The following SCARA5 variants were observed in gnomAD, a reference collection of about 807,000 sequenced individuals.
The protein encoded by SCARA5 is scavenger receptor class A member 5, also known as scavenger receptor class A, member 5 (putative).
Under a neutral mutation model 46.3 loss-of-function variants are expected in SCARA5, and 45 were observed. The observed-to-expected ratio is 0.97, with a 90% CI of 0.76 to 1.24. The LOEUF (loss-of-function observed/expected upper bound fraction) is 1.24, where lower values mean the gene tolerates loss of function less well. SCARA5 is among the 50% of genes most tolerant of loss of function. The pLI is 0.00. For missense variants in SCARA5, 680 were observed against 689.0 expected, an observed-to-expected ratio of 0.99 and a Z score of 0.15; for synonymous variants, 333 against 306.5, an observed-to-expected ratio of 1.09 and a Z score of -0.90.
chr8:27,900,055 T>C (rs982575834), intron 7 of SCARA5, among the ~76,000 whole-genome samples: 2 of 151,980 alleles, frequency 1.3e-5, no homozygotes, highest in Non-Finnish European at 2.9e-5. Context: ...GGAGAGTCAC[T>C]TGAACCCAGG....
At chr8:27,926,451 G>A (rs1399424612) in intron 3 of SCARA5, among the ~76,000 whole-genome samples, 1 of 152,008 alleles carries the variant, frequency 6.6e-6, no homozygotes, top group Non-Finnish European at 1.5e-5. Flanking sequence ...CTGTCAGGGG[G>A]TGGGGGACTG....
Position 27,921,624 on chromosome 8 carries a change from C to G in SCARA5, c.863G>C (p.Arg288Pro). 6.3e-7 allele frequency: 1 copy of G among 1,597,284 alleles called. No homozygotes were observed. Among genetic ancestry groups the G allele is most frequent in the Admixed American group, 1.7e-5 (1 of 58,988 alleles). The change falls in exon 4 of 9, where the codon CGC (arginine) becomes CCC (proline). Residue 288 changes from arginine to proline, a missense_variant. By Grantham distance (103) the Arg-to-Pro change is moderately radical. Transcript: ENST00000354914. The stretch of plus-strand genomic sequence containing the variant: ...GATGGAGTGCTCCCAGTCCTTGAGG[C>G]GCAGGTCCTCGGTGACCGCGTTGAG... ...AMLNAVTEDL[R>P]LKDWEHSIAL... is the part of the protein sequence containing the mutation.
intron 7 of SCARA5, among the ~76,000 whole-genome samples, chr8:27,886,754 T>C (rs1485777569): frequency 1.3e-5 from 2 of 152,194 alleles, no homozygotes; most frequent in Non-Finnish European, 2.9e-5. Context: ...TTCCCGGCAG[T>C]TTCTGCCCCA....
In SCARA5 at chr8:27,948,825, T is replaced by C. The variant is rs954155140; in HGVS notation, c.241+17589A>G. On this transcript the variant is annotated intron_variant, in intron 3 of 8. Coordinates refer to ENST00000354914, the MANE Select transcript of SCARA5 (RefSeq NM_173833.6). The stretch of plus-strand genomic sequence containing the variant: ...CACTTTTCCATAAGCCCCAGCCTTA[T>C]CAAGGAAATTTAAAAATCCATCCTT... Among the ~76,000 whole-genome samples, 5 of 152,390 alleles carry C rather than the reference T, an allele frequency of 3.3e-5. No homozygotes were observed. In the South Asian group the frequency reaches 1.0e-3, roughly 32 times the overall value.
chr8:27,917,398 G>A (rs1044364759), intron 4 of SCARA5, among the ~76,000 whole-genome samples: 1 of 152,182 alleles, frequency 6.6e-6, no homozygotes, highest in African/African-American at 2.4e-5. Flanking sequence ...GATGTGAAGT[G>A]TCTGGGGAGG....
At chr8:27,882,359 T>C (rs896575617) in intron 7 of SCARA5, among the ~76,000 whole-genome samples, 1 of 152,246 alleles carries the variant, frequency 6.6e-6, no homozygotes. Flanking sequence ...TAAATATCCA[T>C]GTGCAGGTTT....
At chr8:27,941,350 G>A (rs1388316182) in intron 3 of SCARA5, among the ~76,000 whole-genome samples, 1 of 152,136 alleles carries the variant, frequency 6.6e-6, no homozygotes, top group South Asian at 2.1e-4. Context: ...ACCACTACCC[G>A]CTATGCTGAT....
At chr8:27,898,897 AACACAG>A (rs1807105636) in intron 7 of SCARA5, among the ~76,000 whole-genome samples, 1 of 1,194 alleles carries the variant, frequency 8.4e-4, no homozygotes, top group East Asian at 0.5. Flanking sequence ...TGCAGTGCTG[AACACAG>A]AACACATCGA....
rs779607235 is a variant in SCARA5, at chr8:27,921,708, C to T, written c.779G>A (p.Arg260His). 12 of 1,599,144 alleles carry T rather than the reference C, an allele frequency of 7.5e-6. No individual in the cohort carries two copies. Among genetic ancestry groups the T allele is most frequent in the Middle Eastern group, 1.7e-4 (1 of 5,904 alleles). The change falls in exon 4 of 9, where the codon CGC becomes CAC. Residue 260 changes from arginine (R) to histidine (H), a missense_variant. Around this residue, in one of 3 missense-constraint regions of SCARA5, gnomAD observed 438 missense variants for 384.5 expected, o/e 1.14. Transcript: ENST00000354914. ...GCCTACGTGCGCCAGGCGCAGGCGG[C>T]GCGTGTCCTCGCTGGCGTTGCTCAC... is the stretch of plus-strand genomic sequence containing the variant. ...VLVSNASEDT[R>H]RLRLAHVGME... is the part of the protein sequence containing the mutation.
intron 4 of SCARA5, among the ~76,000 whole-genome samples, chr8:27,912,374 G>T (rs2726998): frequency 2.0e-5 from 3 of 151,920 alleles, no homozygotes; most frequent in African/African-American, 7.3e-5. Flanking sequence ...TCCATGGCAC[G>T]CACGCAGGGA....
intron 3 of SCARA5, among the ~76,000 whole-genome samples, chr8:27,964,853 G>A (rs986035043): frequency 1.3e-5 from 2 of 152,068 alleles, no homozygotes; most frequent in African/African-American, 4.8e-5. Context: ...GTTCTGCAGA[G>A]CTTTTCTGTA....
At chr8:27,911,248 C>CT (rs1554571228) in intron 4 of SCARA5, among the ~76,000 whole-genome samples, 1 of 151,920 alleles carries the variant, frequency 6.6e-6, no homozygotes, top group East Asian at 1.9e-4. Context: ...GTAATCTCAC[C>CT]TGCCTTGTCC....
intron 3 of SCARA5, among the ~76,000 whole-genome samples, chr8:27,955,077 C>G (rs560040198): frequency 3.3e-4 from 50 of 152,290 alleles, no homozygotes; most frequent in African/African-American, 1.1e-3. Flanking sequence ...CCTTGGCATC[C>G]TACAAGTCAC....
At chr8:27,892,606 C>CTTTTTTTTTT (rs1230257718) in intron 7 of SCARA5, among the ~76,000 whole-genome samples, 15 of 127,034 alleles carry the variant, frequency 1.2e-4, no homozygotes, top group African/African-American at 2.9e-4. Flanking sequence ...ATACCTCACC[C>CTTTTTTTTTT]TTTTTTTTTT....
chr8:27,894,741 A>G (rs1217142495), intron 7 of SCARA5, among the ~76,000 whole-genome samples: 1 of 152,204 alleles, frequency 6.6e-6, no homozygotes, highest in Non-Finnish European at 1.5e-5. Flanking sequence ...ATCCTGCACC[A>G]TGATTCCCTC....
chr8:27,890,914 T>G lies in SCARA5; in HGVS notation c.1154-11148A>C, dbSNP rs73567018. ...CAAAATGCTGCGAGGCAGTTCCAGG[T>G]TGTCCCGGCAGGTGTGGGTCTGAAG... On this transcript the variant is annotated intron_variant, in intron 7 of 8. Coordinates refer to ENST00000354914, the MANE Select transcript of SCARA5 (RefSeq NM_173833.6). Among the ~76,000 whole-genome samples the G allele has an allele frequency of 2.8e-3, 432 of 152,300 alleles. 1 individual carries two copies. Among genetic ancestry groups the G allele is most frequent in the African/African-American group, 8.1e-3 (338 of 41,576 alleles).
chr8:27,882,231 C>G (rs1247809196), intron 7 of SCARA5, among the ~76,000 whole-genome samples: 1 of 152,174 alleles, frequency 6.6e-6, no homozygotes, highest in African/African-American at 2.4e-5. Flanking sequence ...TAGCTCCTTT[C>G]TTTTTAGGAC....
At chr8:27,905,205 T>C (rs1327830017) in intron 6 of SCARA5, among the ~76,000 whole-genome samples, 1 of 149,862 alleles carries the variant, frequency 6.7e-6, no homozygotes, top group Non-Finnish European at 1.5e-5. Context: ...TTTAGTTAAA[T>C]AGGGGGAGAG....
chr8:27,930,277 G>A (rs2129840143), intron 3 of SCARA5, among the ~76,000 whole-genome samples: 1 of 152,294 alleles, frequency 6.6e-6, no homozygotes, highest in South Asian at 2.1e-4. Flanking sequence ...CACGAGATCT[G>A]ATGGTTTTAT....
Sources: allele counts gnomAD v4.1 joint callset (sites outside exome capture counted in the v4.1 genomes callset), GRCh38; gene constraint gnomAD v4.1.1; regional missense constraint gnomAD v4.1.1; transcripts MANE v1.5; gene names NCBI Gene and HGNC (gene_info 2026-07-23, HGNC 2026-07-21).